DCC: variants seen among roughly 807,000 people sequenced by gnomAD.
DCC encodes DCC netrin 1 receptor, also known as netrin receptor DCC.
A neutral mutation model predicts 172.5 loss-of-function variants in DCC; 58 were observed. The ratio of observed to expected loss-of-function variants is 0.34; its 90% CI spans 0.27 to 0.42. The LOEUF (loss-of-function observed/expected upper bound fraction) is 0.42. Among genes scored for constraint, DCC ranks in the 10% least tolerant of loss-of-function variants. The pLI is 1.00. For synonymous variants in DCC, 709 were observed against 644.5 expected, an observed-to-expected ratio of 1.10 and a Z score of -1.52; for missense variants, 1,740 against 1,791.0, an observed-to-expected ratio of 0.97 and a Z score of 0.51.
chr18:52,656,072 G>A (rs62083448), intron 1 of DCC, among the ~76,000 whole-genome samples: 2,826 of 136,580 alleles, frequency 0.021, 37 homozygotes, highest in Middle Eastern at 0.051. Context: ...ATATATATGT[G>A]TATATATATG....
At chr18:52,667,661 G>T (rs951027036) in intron 1 of DCC, among the ~76,000 whole-genome samples, 1 of 152,194 alleles carries the variant, frequency 6.6e-6, no homozygotes, top group Non-Finnish European at 1.5e-5. Flanking sequence ...ATCCAGTCAC[G>T]CTCTGCATAA....
chr18:53,492,000 T>C (rs1398745562), intron 26 of DCC, among the ~76,000 whole-genome samples: 3 of 152,122 alleles, frequency 2.0e-5, no homozygotes, highest in African/African-American at 7.2e-5. Context: ...TAATGATAGC[T>C]ATTCTAACTG....
At chr18:52,664,563 T>C (rs1478428574) in intron 1 of DCC, among the ~76,000 whole-genome samples, 1 of 140,188 alleles carries the variant, frequency 7.1e-6, no homozygotes, top group African/African-American at 2.7e-5. Flanking sequence ...CTCCGCCTCC[T>C]GGGTTCACGC....
At chr18:52,477,240 A>C (rs1989120298) in intron 1 of DCC, among the ~76,000 whole-genome samples, 1 of 152,162 alleles carries the variant, frequency 6.6e-6, no homozygotes, top group South Asian at 2.1e-4. Context: ...CATTCCCTGC[A>C]TCATGCGAAG....
At chr18:53,375,665 G>A (rs1309059609) in intron 15 of DCC, among the ~76,000 whole-genome samples, 1 of 130,908 alleles carries the variant, frequency 7.6e-6, no homozygotes, top group African/African-American at 2.9e-5. Context: ...AGGAAAACCT[G>A]TGTGTTTGGT....
intron 1 of DCC, among the ~76,000 whole-genome samples, chr18:52,444,059 A>G (rs1568173113): frequency 6.6e-6 from 1 of 152,300 alleles, no homozygotes; most frequent in South Asian, 2.1e-4. Context: ...TTCTGTCTCA[A>G]GAACCTGGAC....
At position 53,450,613 on chromosome 18, in the gene DCC, G is replaced by C. The variant is rs772090965; in HGVS notation, c.3343G>C (p.Val1115Leu). The change falls in exon 23 of 29, where the codon GTC (valine) becomes CTC (leucine). Residue 1115 changes from valine to leucine, a missense_variant. Physicochemically the swap from Val to Leu is conservative, Grantham distance 32 (BLOSUM62 1). This residue lies in a region of DCC where 1,732 missense variants were observed against 1,767.4 expected (regional missense o/e 0.98). Transcript: ENST00000442544. ...TVGVITVLVV[V>L]IVAVICTRRS... is the part of the protein sequence containing the mutation. ...TGGTGTCATCACAGTGCTGGTAGTGGTCATCGTGGCTGTGATTTGCACCCG... is the reference window on the plus strand; with the variant it reads ...TGGTGTCATCACAGTGCTGGTAGTGCTCATCGTGGCTGTGATTTGCACCCG... 1 of 1,611,678 alleles carries C rather than the reference G, an allele frequency of 6.2e-7. No homozygotes were observed. The highest frequency in any genetic ancestry group is 1.1e-5 in the South Asian group (1 of 90,964).
chr18:52,348,561 C>T (rs796421307), intron 1 of DCC, among the ~76,000 whole-genome samples: 9 of 152,192 alleles, frequency 5.9e-5, no homozygotes, highest in African/African-American at 1.9e-4. Flanking sequence ...AACATTTTTT[C>T]CATTAATTTG....
intron 21 of DCC, among the ~76,000 whole-genome samples, chr18:53,424,888 T>G (rs1378468005): frequency 6.6e-6 from 1 of 152,174 alleles, no homozygotes; most frequent in Admixed American, 6.5e-5. Flanking sequence ...GCTTTCCTAC[T>G]TTTCAACATA....
chr18:52,782,491 C>A (rs1340759317), intron 2 of DCC, among the ~76,000 whole-genome samples: 2 of 152,010 alleles, frequency 1.3e-5, no homozygotes, highest in African/African-American at 4.8e-5. Context: ...TTGCTTCTGA[C>A]TCTGCACACT....
intron 1 of DCC, among the ~76,000 whole-genome samples, chr18:52,465,726 C>T (rs1479768146): frequency 1.3e-5 from 2 of 150,520 alleles, no homozygotes; most frequent in African/African-American, 4.8e-5. Flanking sequence ...GGAGTACACA[C>T]GTTCTCTAAC....
At chr18:52,478,446 G>A (rs976440552) in intron 1 of DCC, among the ~76,000 whole-genome samples, 1 of 152,160 alleles carries the variant, frequency 6.6e-6, no homozygotes, top group Non-Finnish European at 1.5e-5. Flanking sequence ...ATCTTTAATT[G>A]TAGAGGAATG....
At chr18:52,630,807 G>A (rs1277504346) in intron 1 of DCC, among the ~76,000 whole-genome samples, 1 of 152,182 alleles carries the variant, frequency 6.6e-6, no homozygotes, top group Non-Finnish European at 1.5e-5. Flanking sequence ...TTTGATTCAT[G>A]TGGGCCTACT....
At chr18:53,488,244 G>A (rs1272789027) in intron 26 of DCC, among the ~76,000 whole-genome samples, 9 of 152,146 alleles carry the variant, frequency 5.9e-5, no homozygotes, top group African/African-American at 1.7e-4. Flanking sequence ...GTGTGGTGGC[G>A]CATGCCTATA....
chr18:53,476,605 T>G (rs2045765630), intron 25 of DCC, among the ~76,000 whole-genome samples: 1 of 152,178 alleles, frequency 6.6e-6, no homozygotes, highest in Non-Finnish European at 1.5e-5. Flanking sequence ...AGTAAACCTC[T>G]TATTTATTTA....
intron 6 of DCC, among the ~76,000 whole-genome samples, chr18:53,064,917 G>A (rs1479722626): frequency 6.6e-6 from 1 of 152,054 alleles, no homozygotes; most frequent in Non-Finnish European, 1.5e-5. Flanking sequence ...ATTGTAAAAG[G>A]CAACATTTAT....
chr18:53,390,249 CTT>C (rs374319798), intron 16 of DCC, among the ~76,000 whole-genome samples: 2 of 97,078 alleles, frequency 2.1e-5, no homozygotes, highest in Non-Finnish European at 5.4e-5. Context: ...CTCTCTTTCT[CTT>C]TCTCTCTCTC....
At chr18:53,354,867 T>A (rs1303752987) in intron 15 of DCC, among the ~76,000 whole-genome samples, 1 of 148,128 alleles carries the variant, frequency 6.8e-6, no homozygotes. Flanking sequence ...ATGTCCTGAA[T>A]GGTATTGCCT....
intron 3 of DCC, among the ~76,000 whole-genome samples, chr18:52,916,468 A>G (rs1457887608): frequency 6.6e-6 from 1 of 152,212 alleles, no homozygotes; most frequent in African/African-American, 2.4e-5. Flanking sequence ...ATTGGTGGTG[A>G]GAGTAGCAAA....
Sources: gnomAD v4.1 joint callset for allele counts (sites outside exome capture counted in the v4.1 genomes callset) on GRCh38, gnomAD v4.1.1 for gene constraint, gnomAD v4.1.1 regional missense constraint, MANE v1.5 for transcripts, NCBI Gene and HGNC (gene_info 2026-07-23, HGNC 2026-07-21) for gene names.